The following CUEDC1 variants were observed in gnomAD, a reference collection of about 807,000 sequenced individuals.
CUEDC1 encodes CUE domain-containing protein 1.
A neutral mutation model predicts 43.7 loss-of-function variants in CUEDC1; 30 were observed. That is an observed-to-expected ratio of 0.69 (90% confidence interval 0.51 to 0.93). The LOEUF is 0.93. Ranked by LOEUF, CUEDC1 falls within the 40% of genes least tolerant of loss-of-function variation. The pLI is 0.00. For synonymous variants in CUEDC1, 223 were observed against 223.6 expected (o/e 1.00, Z 0.02); for missense variants, 486 against 549.0 (o/e 0.89, Z 1.15).
rs148430098 is a variant in CUEDC1, at chr17:57,916,227, G to A, written c.-315-30348C>T. On this transcript the variant is annotated intron_variant, in intron 1 of 10. Transcript: ENST00000577830. ...CTGAGAATGCAGAAGGCCGAGGGGG[G>A]CTGAGAGTGTTTCTAAATCACAGCA... Among the ~76,000 whole-genome samples the A allele has an allele frequency of 3.1e-4, 47 of 152,362 alleles. 1 individual carries two copies. In the East Asian group the frequency reaches 8.3e-3, roughly 27 times the overall value.
chr17:57,872,841 G>A lies in CUEDC1; in HGVS notation c.606C>T (p.Gly202=). ...ATCCCTCTCCACTCCCAGGCTTGGGGCCCCCAGCGTTACCCTGAGGAGGGA... is the reference window on the plus strand; with the variant it reads ...ATCCCTCTCCACTCCCAGGCTTGGGACCCCCAGCGTTACCCTGAGGAGGGA... ...QLDSIQGNAG[G]PKPGSGEGCP... The change falls in exon 5 of 11, where the codon GGC becomes GGT. Residue 202 remains glycine, a synonymous_variant. Coordinates refer to ENST00000577830, the MANE Select transcript of CUEDC1 (RefSeq NM_001271875.2). 2 of 1,613,092 alleles carry A rather than the reference G, an allele frequency of 1.2e-6. No individual in the cohort carries two copies. The highest frequency in any genetic ancestry group is 1.7e-6 in the Non-Finnish European group (2 of 1,179,652).
rs1045354585 is a variant in CUEDC1 at position 57,905,447 on chromosome 17, G to T, written c.-315-19568C>A. 2.6e-5 allele frequency among the ~76,000 whole-genome samples: 4 copies of T among 152,302 alleles called. No homozygotes were observed. The South Asian group carries it at 8.3e-4, about 32-fold the overall frequency. On this transcript the variant is annotated intron_variant, in intron 1 of 10. Coordinates refer to ENST00000577830, the MANE Select transcript of CUEDC1 (RefSeq NM_001271875.2). ...AGCTCAGCTCAGTTTAGCTGCACTG[G>T]GGGTGGCAAGCAACTTGGGAAAGAC...
intron 1 of CUEDC1, among the ~76,000 whole-genome samples, chr17:57,931,638 A>G (rs150446781): frequency 2.2e-4 from 33 of 152,270 alleles, no homozygotes; most frequent in African/African-American, 7.9e-4. Flanking sequence ...CTGGGTATTC[A>G]AGTTGATGGT....
intron 1 of CUEDC1, among the ~76,000 whole-genome samples, chr17:57,895,644 C>T (rs2074400587): frequency 6.6e-6 from 1 of 152,230 alleles, no homozygotes; most frequent in South Asian, 2.1e-4. Context: ...AGATATTCGA[C>T]TCAGGTGCCT....
At chr17:57,919,624 A>G (rs752575672) in intron 1 of CUEDC1, among the ~76,000 whole-genome samples, 16 of 152,216 alleles carry the variant, frequency 1.1e-4, no homozygotes, top group Non-Finnish European at 2.2e-4. Context: ...CCACTAAGCC[A>G]TGCACATAGT....
intron 1 of CUEDC1, among the ~76,000 whole-genome samples, chr17:57,949,668 G>C (rs2074988551): frequency 6.7e-6 from 1 of 148,970 alleles, no homozygotes; most frequent in African/African-American, 2.5e-5. Context: ...GGCCTCCCAG[G>C]CTCAAGCGAT....
At chr17:57,916,506 C>T (rs1004756643) in intron 1 of CUEDC1, among the ~76,000 whole-genome samples, 1 of 152,200 alleles carries the variant, frequency 6.6e-6, no homozygotes. Context: ...CATGGAGATG[C>T]GACGGGGAAG....
intron 1 of CUEDC1, among the ~76,000 whole-genome samples, chr17:57,902,082 G>A (rs182573339): frequency 6.6e-6 from 1 of 152,194 alleles, no homozygotes; most frequent in East Asian, 1.9e-4. Flanking sequence ...GCTGAGGCAG[G>A]AGAATTGCTT....
intron 1 of CUEDC1, among the ~76,000 whole-genome samples, chr17:57,888,506 C>T (rs1215042210): frequency 4.6e-5 from 7 of 152,204 alleles, no homozygotes. Flanking sequence ...ATGATCAGTC[C>T]AAGAGTTTTG....
Position 57,927,165 on chromosome 17 carries a change from G to T in CUEDC1, c.-316+28060C>A, listed in dbSNP as rs529966827. ...TCACCGAGCGGCTGGGACAGAGAGT[G>T]GGGCTGTTATGGAGGGTGCCAATGG... On this transcript the variant is annotated intron_variant, in intron 1 of 10. Transcript: ENST00000577830. Among the ~76,000 whole-genome samples the T allele has an allele frequency of 2.2e-3, 342 of 152,262 alleles. 1 individual carries two copies. Among genetic ancestry groups the T allele is most frequent in the African/African-American group, 7.9e-3 (330 of 41,562 alleles).
intron 3 of CUEDC1, among the ~76,000 whole-genome samples, chr17:57,876,161 C>T (rs1178996611): frequency 1.3e-5 from 2 of 152,146 alleles, no homozygotes; most frequent in East Asian, 3.9e-4. Flanking sequence ...CTGATCGTGT[C>T]GCTCTCCAGG....
chr17:57,886,233 T>C (rs1416325014), intron 1 of CUEDC1, among the ~76,000 whole-genome samples: 4 of 152,190 alleles, frequency 2.6e-5, no homozygotes, highest in African/African-American at 9.7e-5. Flanking sequence ...AGGATTTGAA[T>C]CTGGGACATA....
rs55791147 is a variant in CUEDC1, at chr17:57,898,362, G to T, written c.-315-12483C>A. ...GCTGCCGGTGGAGGGGAGACCACAA[G>T]TTGTTTACTGGTGCTATGTCTGGGG... On this transcript the variant is annotated intron_variant, in intron 1 of 10. Transcript: ENST00000577830. Among the ~76,000 whole-genome samples, 531 of 152,302 alleles carry T rather than the reference G, an allele frequency of 3.5e-3. 6 individuals are homozygous for T. The highest frequency in any genetic ancestry group is 0.011 in the African/African-American group (457 of 41,558).
chr17:57,884,658 T>TC (rs912070344), intron 2 of CUEDC1, among the ~76,000 whole-genome samples: 71 of 152,144 alleles, frequency 4.7e-4, no homozygotes, highest in South Asian at 8.3e-4. Flanking sequence ...TGCACACCCT[T>TC]CCCCCGGCTT....
chr17:57,884,150 C>T lies in CUEDC1; in HGVS notation c.336+1079G>A, dbSNP rs530606662. The stretch of plus-strand genomic sequence containing the variant: ...CAAGTCTGATTCCTCACTCCCTTTC[C>T]GTGGCTATGCTCCCAGGATACAGCC... On this transcript the variant is annotated intron_variant, in intron 2 of 10. Coordinates refer to ENST00000577830, the MANE Select transcript of CUEDC1 (RefSeq NM_001271875.2). 2.0e-3 allele frequency among the ~76,000 whole-genome samples: 298 copies of T among 151,482 alleles called. 1 individual carries two copies. Among genetic ancestry groups the T allele is most frequent in the Non-Finnish European group, 3.4e-3 (231 of 67,882 alleles).
chr17:57,873,498 T>G, intron 4 of CUEDC1, 93 bp downstream of exon 4: 4 of 1,381,054 alleles, frequency 2.9e-6, no homozygotes, highest in East Asian at 2.6e-5. Flanking sequence ...GGTTTAAACA[T>G]CAGGAAGTAA....
chr17:57,920,023 T>C (rs1414076443), intron 1 of CUEDC1, among the ~76,000 whole-genome samples: 1 of 152,242 alleles, frequency 6.6e-6, no homozygotes, highest in Non-Finnish European at 1.5e-5. Flanking sequence ...CGGCTCATTT[T>C]GTTTTCACAA....
At chr17:57,899,214 A>G (rs2145000168) in intron 1 of CUEDC1, among the ~76,000 whole-genome samples, 1 of 152,238 alleles carries the variant, frequency 6.6e-6, no homozygotes, top group African/African-American at 2.4e-5. Flanking sequence ...CCCAGACAGC[A>G]GATGGGATAA....
intron 3 of CUEDC1, among the ~76,000 whole-genome samples, chr17:57,877,361 C>CCCA: frequency 6.6e-6 from 1 of 151,974 alleles, no homozygotes; most frequent in African/African-American, 2.4e-5. Flanking sequence ...CCAAGCGTGA[C>CCCA]GGTATGCCCT....
Sources: allele counts gnomAD v4.1 joint callset (sites outside exome capture counted in the v4.1 genomes callset), GRCh38; gene constraint gnomAD v4.1.1; transcripts MANE v1.5; gene names NCBI Gene and HGNC (gene_info 2026-07-23, HGNC 2026-07-21).